The following STARD13 variants were observed in gnomAD, a reference collection of about 807,000 sequenced individuals.
STARD13 encodes the protein stAR-related lipid transfer protein 13.
A neutral mutation model predicts 106.4 loss-of-function variants in STARD13; 62 were observed. The ratio of observed to expected loss-of-function variants is 0.58; its 90% CI spans 0.48 to 0.72. The LOEUF (loss-of-function observed/expected upper bound fraction) is 0.72. STARD13 is among the 30% of genes least tolerant of loss of function. STARD13 has a pLI of 0.00. For missense variants in STARD13, 1,387 were observed against 1,424.0 expected (o/e 0.97, Z 0.42); for synonymous variants, 565 against 553.0 (o/e 1.02, Z -0.31).
At chr13:33,508,025 AC>A in the STARD13 span, among the ~76,000 whole-genome samples, 2 of 152,150 alleles carry the variant, frequency 1.3e-5, no homozygotes, top group Non-Finnish European at 2.9e-5. Flanking sequence ...GGTCAATTGT[AC>A]ATGATAATAT....
At chr13:33,274,292 C>G (rs933667416) in intron 1 of STARD13, among the ~76,000 whole-genome samples, 1 of 151,984 alleles carries the variant, frequency 6.6e-6, no homozygotes, top group African/African-American at 2.4e-5. Context: ...CAATCCAATA[C>G]GACTGGTGTC....
intron 3 of STARD13, among the ~76,000 whole-genome samples, chr13:33,147,485 CTCTG>C (rs1372348856): frequency 6.6e-6 from 1 of 152,198 alleles, no homozygotes; most frequent in Non-Finnish European, 1.5e-5. Context: ...CTAAGAAAAT[CTCTG>C]TCCAATCATT....
intron 7 of STARD13, among the ~76,000 whole-genome samples, chr13:33,125,312 G>T (rs1465869727): frequency 6.6e-6 from 1 of 152,208 alleles, no homozygotes; most frequent in Non-Finnish European, 1.5e-5. Context: ...CCACTATTCA[G>T]GGCTGCAATT....
the STARD13 span, among the ~76,000 whole-genome samples, chr13:33,671,708 A>C: frequency 6.6e-6 from 1 of 152,176 alleles, no homozygotes; most frequent in Non-Finnish European, 1.5e-5. Context: ...TCAGCCTGGG[A>C]AACAGAGCAA....
chr13:33,296,191 T>C (rs958099236), intron 1 of STARD13, among the ~76,000 whole-genome samples: 1 of 150,868 alleles, frequency 6.6e-6, no homozygotes, highest in Non-Finnish European at 1.5e-5. Context: ...ATGGTGCCAC[T>C]GCACTCCAGC....
intron 1 of STARD13, among the ~76,000 whole-genome samples, chr13:33,209,283 T>C (rs1414152258): frequency 6.6e-6 from 1 of 152,160 alleles, no homozygotes; most frequent in Non-Finnish European, 1.5e-5. Context: ...ATCTGCCTCA[T>C]CCAGCCTTGA....
At chr13:33,150,362 T>G (rs1442727771) in intron 3 of STARD13, among the ~76,000 whole-genome samples, 1 of 152,224 alleles carries the variant, frequency 6.6e-6, no homozygotes, top group Non-Finnish European at 1.5e-5. Context: ...AAGGAAACAT[T>G]AGATCCTGGA....
At chr13:33,361,663 G>C in the STARD13 span, among the ~76,000 whole-genome samples, 1 of 152,232 alleles carries the variant, frequency 6.6e-6, no homozygotes, top group Non-Finnish European at 1.5e-5. Flanking sequence ...ATTATGGCAA[G>C]AGGCAAAGGA....
the STARD13 span, among the ~76,000 whole-genome samples, chr13:33,587,696 AT>A: frequency 6.6e-6 from 1 of 152,064 alleles, no homozygotes; most frequent in Non-Finnish European, 1.5e-5. Flanking sequence ...CATTTCTAAC[AT>A]TTTTCCAGCC....
chr13:33,574,242 G>C, the STARD13 span, among the ~76,000 whole-genome samples: 1 of 152,078 alleles, frequency 6.6e-6, no homozygotes, highest in Admixed American at 6.6e-5. Flanking sequence ...TTCCTAAACT[G>C]CCATCAAGTT....
chr13:33,419,023 A>G, the STARD13 span, among the ~76,000 whole-genome samples: 7 of 152,210 alleles, frequency 4.6e-5, no homozygotes, highest in Non-Finnish European at 8.8e-5. Flanking sequence ...CAGAGCAGAA[A>G]AGCTGAAAAT....
intron 1 of STARD13, among the ~76,000 whole-genome samples, chr13:33,203,714 C>A (rs1385164894): frequency 1.3e-5 from 2 of 152,104 alleles, no homozygotes; most frequent in African/African-American, 4.8e-5. Flanking sequence ...ATGCAAATAC[C>A]TTCAAGAGCA....
intron 1 of STARD13, among the ~76,000 whole-genome samples, chr13:33,174,470 G>C (rs149614778): frequency 6.6e-6 from 1 of 152,150 alleles, no homozygotes; most frequent in Non-Finnish European, 1.5e-5. Context: ...TGTGACCTGT[G>C]CTAGTTTCAG....
the STARD13 span, among the ~76,000 whole-genome samples, chr13:33,456,021 T>C: frequency 3.9e-5 from 6 of 152,200 alleles, no homozygotes; most frequent in East Asian, 1.2e-3. Flanking sequence ...AAGAAAGTCA[T>C]ATGATATCCA....
chr13:33,516,686 C>T, the STARD13 span, among the ~76,000 whole-genome samples: 2 of 151,976 alleles, frequency 1.3e-5, no homozygotes, highest in Non-Finnish European at 2.9e-5. Flanking sequence ...CCCACAAATG[C>T]CTCCTGAGCT....
the STARD13 span, among the ~76,000 whole-genome samples, chr13:33,622,293 A>G: frequency 6.6e-6 from 1 of 152,198 alleles, no homozygotes; most frequent in Non-Finnish European, 1.5e-5. Context: ...GAACATAGAC[A>G]TAAAATCTAA....
chr13:33,261,764 T>A (rs1566104805), intron 1 of STARD13, among the ~76,000 whole-genome samples: 1 of 152,230 alleles, frequency 6.6e-6, no homozygotes, highest in Non-Finnish European at 1.5e-5. Context: ...GAGAAAACTC[T>A]AAAAATTCTC....
In STARD13 at chr13:33,123,541, G is replaced by T. The variant is rs531615911; in HGVS notation, c.2082+2540C>A. Reference sequence around the variant, plus strand: ...ATCAGGAATAGGTATAATCTATTCTGTGCACAGTTGATTTAGGGCAGAAAT... The same window carrying T: ...ATCAGGAATAGGTATAATCTATTCTTTGCACAGTTGATTTAGGGCAGAAAT... On this transcript the variant is annotated intron_variant, in intron 7 of 13. Transcript: ENST00000336934. 1.1e-4 allele frequency among the ~76,000 whole-genome samples: 17 copies of T among 152,324 alleles called. No homozygotes were observed. In the South Asian group the frequency reaches 3.5e-3, roughly 32 times the overall value.
At chr13:33,569,359 C>T in the STARD13 span, among the ~76,000 whole-genome samples, 2 of 147,474 alleles carry the variant, frequency 1.4e-5, no homozygotes, top group Non-Finnish European at 3.0e-5. Context: ...AACATGAAGA[C>T]CTTATGTAAA....
Sources: allele counts gnomAD v4.1 joint callset (sites outside exome capture counted in the v4.1 genomes callset), GRCh38; gene constraint gnomAD v4.1.1; transcripts MANE v1.5; gene names NCBI Gene and HGNC (gene_info 2026-07-23, HGNC 2026-07-21).